SORBS2: variants seen among roughly 807,000 people sequenced by gnomAD.
SORBS2 encodes the protein sorbin and SH3 domain-containing protein 2.
A neutral mutation model predicts 97.7 loss-of-function variants in SORBS2; 46 were observed. That is an observed-to-expected ratio of 0.47 (90% confidence interval 0.37 to 0.60). SORBS2 has a LOEUF of 0.60. Ranked by LOEUF, SORBS2 falls within the 20% of genes least tolerant of loss-of-function variation. The pLI is 0.00. For synonymous variants in SORBS2, 476 were observed against 473.4 expected (o/e 1.01, Z -0.07); for missense variants, 1,316 against 1,282.3 (o/e 1.03, Z -0.40).
chr4:185,753,425 T>C (rs2098813081), intron 2 of SORBS2, among the ~76,000 whole-genome samples: 1 of 152,242 alleles, frequency 6.6e-6, no homozygotes, highest in African/African-American at 2.4e-5. Context: ...TTAACTTATT[T>C]TAATTCATTG....
intron 1 of SORBS2, among the ~76,000 whole-genome samples, chr4:185,903,040 G>C (rs1005611936): frequency 2.0e-5 from 3 of 152,200 alleles, no homozygotes; most frequent in Admixed American, 6.5e-5. Context: ...GGGGTGCTGT[G>C]AGTATTAAGT....
At position 185,618,198 on chromosome 4, in the gene SORBS2, C is replaced by A. The variant is rs1337769157; in HGVS notation, c.2351+387G>T. 5.9e-5 allele frequency among the ~76,000 whole-genome samples: 9 copies of A among 152,280 alleles called. No individual in the cohort carries two copies. In the East Asian group the frequency reaches 1.7e-3, roughly 29 times the overall value. On this transcript the variant is annotated intron_variant, in intron 9 of 14. Transcript: ENST00000418609. The stretch of plus-strand genomic sequence containing the variant: ...CCATGTTGCCCAGGCTGGTTTTGAA[C>A]TCCTGGGCTCAAGCCATCTGCCTGC...
chr4:185,805,239 A>G (rs2099148203), intron 1 of SORBS2, among the ~76,000 whole-genome samples: 1 of 151,788 alleles, frequency 6.6e-6, no homozygotes, highest in Non-Finnish European at 1.5e-5. Flanking sequence ...CTATATATAT[A>G]TATATGTTTA....
chr4:185,734,176 A>G (rs2098666327), intron 2 of SORBS2, 22 bp from the exon 3 acceptor site: 1 of 152,604 alleles, frequency 6.6e-6, no homozygotes, highest in African/African-American at 2.4e-5. Flanking sequence ...ATGTCACAAT[A>G]AATAGGTGGG....
At chr4:185,717,143 C>T (rs1186467799) in intron 2 of SORBS2, among the ~76,000 whole-genome samples, 1 of 152,172 alleles carries the variant, frequency 6.6e-6, no homozygotes, top group Non-Finnish European at 1.5e-5. Context: ...GGCGTGGGAG[C>T]GCCGCTGTCT....
intron 2 of SORBS2, among the ~76,000 whole-genome samples, chr4:185,736,760 T>G (rs913109426): frequency 6.6e-6 from 1 of 152,072 alleles, no homozygotes; most frequent in Non-Finnish European, 1.5e-5. Flanking sequence ...CGTCTGTGTG[T>G]GCCACAACCA....
At chr4:185,589,681 A>G in exon 14 of SORBS2, 1 of 1,598,938 alleles carries the variant, frequency 6.3e-7, no homozygotes, top group Non-Finnish European at 8.6e-7. Context: ...GCACATACCC[A>G]CAAACCAGCC....
Position 185,652,661 on chromosome 4 carries a change from C to T in SORBS2, c.91+1G>A. On this transcript the variant is annotated splice_donor_variant, in intron 2 of 14. Coordinates refer to ENST00000418609, the Ensembl canonical transcript of SORBS2. LOFTEE classifies it high-confidence loss of function. Reference sequence around the variant, plus strand: ...ATCAGAAAGCAGAGCAGCAGACATACCCGGCTTGTGCACCATGTGAATTTG... The same window carrying T: ...ATCAGAAAGCAGAGCAGCAGACATATCCGGCTTGTGCACCATGTGAATTTG... 1 of 1,613,496 alleles carries T rather than the reference C, an allele frequency of 6.2e-7. No individual in the cohort carries two copies. Among genetic ancestry groups the T allele is most frequent in the Non-Finnish European group, 8.5e-7 (1 of 1,179,368 alleles).
At chr4:185,736,232 A>G (rs964311560) in intron 2 of SORBS2, among the ~76,000 whole-genome samples, 1 of 152,254 alleles carries the variant, frequency 6.6e-6, no homozygotes, top group African/African-American at 2.4e-5. Context: ...TGGTTTTGTC[A>G]TCCTCAGAAA....
intron 2 of SORBS2, among the ~76,000 whole-genome samples, chr4:185,727,343 T>G (rs1031422620): frequency 6.6e-6 from 1 of 152,214 alleles, no homozygotes; most frequent in Admixed American, 6.5e-5. Flanking sequence ...ATGGATTTTG[T>G]CAATGATTTA....
At chr4:185,600,523 G>A (rs763345712) in intron 12 of SORBS2, among the ~76,000 whole-genome samples, 1 of 152,094 alleles carries the variant, frequency 6.6e-6, no homozygotes, top group African/African-American at 2.4e-5. Flanking sequence ...ATTTTTAGTA[G>A]AGACAGGATT....
chr4:185,884,789 C>G (rs562090066), intron 1 of SORBS2, among the ~76,000 whole-genome samples: 5 of 152,316 alleles, frequency 3.3e-5, no homozygotes, highest in Admixed American at 3.3e-4. Context: ...CCGGAATGCT[C>G]AGACAGTAGG....
chr4:185,619,352 C>T (rs192272862), intron 8 of SORBS2, among the ~76,000 whole-genome samples: 1 of 152,170 alleles, frequency 6.6e-6, no homozygotes, highest in Non-Finnish European at 1.5e-5. Context: ...TTCTTTTCCC[C>T]CATGACTCTG....
At chr4:185,810,230 G>A (rs2099174211) in intron 1 of SORBS2, among the ~76,000 whole-genome samples, 1 of 152,128 alleles carries the variant, frequency 6.6e-6, no homozygotes, top group South Asian at 2.1e-4. Context: ...TTTATATTTT[G>A]ACTATTTTGA....
chr4:185,876,641 C>A (rs537404017), intron 1 of SORBS2, among the ~76,000 whole-genome samples: 1 of 152,154 alleles, frequency 6.6e-6, no homozygotes, highest in Non-Finnish European at 1.5e-5. Flanking sequence ...CACTGGTGAG[C>A]TTTTGGATTT....
At chr4:185,935,131 C>G (rs557158524) in intron 1 of SORBS2, among the ~76,000 whole-genome samples, 2 of 152,276 alleles carry the variant, frequency 1.3e-5, no homozygotes, top group South Asian at 4.1e-4. Context: ...CAAAGAAACA[C>G]AGTTTGTACC....
intron 2 of SORBS2, among the ~76,000 whole-genome samples, chr4:185,718,928 C>T (rs2098487910): frequency 6.6e-6 from 1 of 152,176 alleles, no homozygotes; most frequent in Non-Finnish European, 1.5e-5. Context: ...TCTATGCAGA[C>T]CTGTCATGTG....
At chr4:185,880,142 G>A (rs2099236116) in intron 1 of SORBS2, among the ~76,000 whole-genome samples, 2 of 152,198 alleles carry the variant, frequency 1.3e-5, no homozygotes, top group African/African-American at 4.8e-5. Context: ...TTTCCCCTGT[G>A]CAGGCTGCCT....
At chr4:185,635,010 T>A (rs10025226) in intron 4 of SORBS2, among the ~76,000 whole-genome samples, 63,633 of 152,072 alleles carry the variant, frequency 0.42, 13,724 homozygotes, top group African/African-American at 0.52. Flanking sequence ...GAAGCCTTCT[T>A]GTAGTATTTT....
Sources: allele counts gnomAD v4.1 joint callset (sites outside exome capture counted in the v4.1 genomes callset), GRCh38; gene constraint gnomAD v4.1.1; transcripts MANE v1.5; gene names NCBI Gene and HGNC (gene_info 2026-07-23, HGNC 2026-07-21).